The following EIF4G3 variants were observed in gnomAD, a reference collection of about 807,000 sequenced individuals.
EIF4G3 encodes eukaryotic translation initiation factor 4 gamma 3, also known as eIF-4-gamma 3.
EIF4G3 carries 34 observed loss-of-function variants against 186.4 expected under a neutral mutation model. That is an observed-to-expected ratio of 0.18 (90% confidence interval 0.14 to 0.24). The LOEUF (loss-of-function observed/expected upper bound fraction) is 0.24, where lower values mean the gene tolerates loss of function less well. Among genes scored for constraint, EIF4G3 ranks in the 10% least tolerant of loss-of-function variants. The pLI, the probability that EIF4G3 is intolerant of heterozygous loss-of-function variation, is 1.00. For missense variants in EIF4G3, 1,536 were observed against 1,948.5 expected, an observed-to-expected ratio of 0.79 and a Z score of 3.99; for synonymous variants, 673 against 679.5, an observed-to-expected ratio of 0.99 and a Z score of 0.15.
chr1:20,952,723 C>T (rs1200993285), intron 12 of EIF4G3, among the ~76,000 whole-genome samples: 3 of 152,102 alleles, frequency 2.0e-5, no homozygotes, highest in Non-Finnish European at 4.4e-5. Flanking sequence ...GTGGCAGGTG[C>T]CTGTTAATTC....
In EIF4G3 at chr1:20,933,356, T is replaced by G. The variant is rs545041630; in HGVS notation, c.1663+8135A>C. 6.6e-5 allele frequency among the ~76,000 whole-genome samples: 10 copies of G among 152,094 alleles called. No individual in the cohort carries two copies. The South Asian group carries it at 2.1e-3, about 32-fold the overall frequency. On this transcript the variant is annotated intron_variant, in intron 14 of 36. Coordinates refer to ENST00000602326, the MANE Select transcript of EIF4G3 (RefSeq NM_001391906.1). Reference sequence around the variant, plus strand: ...GAGGGAACAAATGTCACAAATACATTAGATAAAACCAGGGCACCGGCCAGG... The same window carrying G: ...GAGGGAACAAATGTCACAAATACATGAGATAAAACCAGGGCACCGGCCAGG...
intron 4 of EIF4G3, among the ~76,000 whole-genome samples, chr1:21,046,753 A>G (rs560882760): frequency 1.9e-4 from 29 of 152,336 alleles, no homozygotes; most frequent in African/African-American, 6.3e-4. Flanking sequence ...AACCAAGCCT[A>G]ATATCCTACT....
At chr1:21,136,168 C>T (rs543196518) in intron 2 of EIF4G3, among the ~76,000 whole-genome samples, 24 of 150,284 alleles carry the variant, frequency 1.6e-4, no homozygotes, top group South Asian at 1.3e-3. Context: ...CCGGCCTGGG[C>T]GACAGAGCGA....
Position 20,854,987 on chromosome 1 carries a change from T to G in EIF4G3, c.3424A>C (p.Ser1142Arg). The part of the protein sequence containing the change: ...GKGSSGGAKA[S>R]ETDALRSSAS... The stretch of plus-strand genomic sequence containing the variant: ...GGACACACACACTTACCAGTCTCAC[T>G]TGCCTTTGCTCCACCACTGCTGCCT... The change falls in exon 26 of 37, where the codon AGT becomes CGT. Residue 1142 changes from serine (S) to arginine (R), a missense_variant. By Grantham distance (110) the Ser-to-Arg change is moderately radical. Around this residue, in one of 11 missense-constraint regions of EIF4G3, gnomAD observed 395 missense variants for 498.9 expected, o/e 0.79. Transcript: ENST00000602326. The G allele has an allele frequency of 6.2e-7, 1 of 1,613,640 alleles. No individual in the cohort carries two copies.
chr1:20,818,339 T>C (rs2061545962), intron 33 of EIF4G3, among the ~76,000 whole-genome samples: 1 of 152,126 alleles, frequency 6.6e-6, no homozygotes, highest in African/African-American at 2.4e-5. Flanking sequence ...ATACATAGTT[T>C]TAAAAAATCT....
intron 11 of EIF4G3, 27 bp downstream of exon 11, chr1:20,972,975 T>G (rs1333494556): frequency 6.5e-7 from 1 of 1,542,190 alleles, no homozygotes; most frequent in South Asian, 1.2e-5. Flanking sequence ...AGATTTAAAA[T>G]AAGAAAAAGT....
At chr1:21,123,748 T>G (rs2096970395) in intron 2 of EIF4G3, among the ~76,000 whole-genome samples, 1 of 152,134 alleles carries the variant, frequency 6.6e-6, no homozygotes, top group African/African-American at 2.4e-5. Flanking sequence ...AGTTCCTTCC[T>G]AGATTATGAT....
At chr1:20,970,000 A>G (rs1219366806) in intron 11 of EIF4G3, among the ~76,000 whole-genome samples, 1 of 151,840 alleles carries the variant, frequency 6.6e-6, no homozygotes, top group African/African-American at 2.4e-5. Context: ...GTCTCGCTCT[A>G]TCACCCAGGC....
intron 2 of EIF4G3, among the ~76,000 whole-genome samples, chr1:21,097,326 C>T (rs541667724): frequency 6.6e-6 from 1 of 152,188 alleles, no homozygotes; most frequent in South Asian, 2.1e-4. Context: ...AGTAGGTATC[C>T]CTAGGAAAAA....
chr1:21,062,275 G>C (rs2094957287), intron 3 of EIF4G3, among the ~76,000 whole-genome samples: 1 of 151,618 alleles, frequency 6.6e-6, no homozygotes, highest in South Asian at 2.1e-4. Flanking sequence ...GCCCAGGCTG[G>C]CTTCAAACTC....
intron 24 of EIF4G3, among the ~76,000 whole-genome samples, chr1:20,858,185 T>C (rs2075487997): frequency 6.6e-6 from 1 of 152,210 alleles, no homozygotes; most frequent in African/African-American, 2.4e-5. Context: ...CACTTTTTTG[T>C]TCAAAACACT....
intron 15 of EIF4G3, 33 bp downstream of exon 15, chr1:20,904,850 T>A: frequency 1.3e-6 from 2 of 1,548,358 alleles, no homozygotes; most frequent in Non-Finnish European, 1.8e-6. Context: ...ATGGCACCAC[T>A]GCTCTGAATA....
intron 4 of EIF4G3, among the ~76,000 whole-genome samples, chr1:21,034,064 C>T (rs2092976959): frequency 6.6e-6 from 1 of 152,126 alleles, no homozygotes; most frequent in Admixed American, 6.5e-5. Flanking sequence ...CAACACACTC[C>T]AGCCTGGATG....
intron 2 of EIF4G3, among the ~76,000 whole-genome samples, chr1:21,144,438 G>A (rs554142058): frequency 5.5e-5 from 8 of 144,284 alleles, no homozygotes; most frequent in African/African-American, 1.3e-4. Flanking sequence ...TTTTTTTTTC[G>A]TAGAGATGGG....
At chr1:20,865,977 A>G (rs1354864837) in intron 20 of EIF4G3, among the ~76,000 whole-genome samples, 1 of 152,226 alleles carries the variant, frequency 6.6e-6, no homozygotes, top group Non-Finnish European at 1.5e-5. Flanking sequence ...TCTTATGAAC[A>G]TATTTAGAAT....
At chr1:20,918,526 G>A (rs2094157778) in intron 14 of EIF4G3, among the ~76,000 whole-genome samples, 1 of 151,930 alleles carries the variant, frequency 6.6e-6, no homozygotes, top group Non-Finnish European at 1.5e-5. Context: ...ATCTTAAACA[G>A]AAAAATGGGG....
intron 10 of EIF4G3, among the ~76,000 whole-genome samples, chr1:20,974,427 G>A (rs2076440516): frequency 1.3e-5 from 2 of 152,152 alleles, no homozygotes; most frequent in Admixed American, 6.5e-5. Context: ...AATGAGGGCT[G>A]TGCTTAACCA....
chr1:20,822,566 T>C (rs558212601), intron 33 of EIF4G3, among the ~76,000 whole-genome samples: 286 of 151,140 alleles, frequency 1.9e-3, no homozygotes, highest in Non-Finnish European at 3.3e-3. Flanking sequence ...TGGAGCTTCA[T>C]TTGTTCTTAT....
At chr1:21,158,426 T>C (rs532102951) in intron 2 of EIF4G3, among the ~76,000 whole-genome samples, 3 of 152,154 alleles carry the variant, frequency 2.0e-5, no homozygotes, top group Middle Eastern at 3.4e-3. Flanking sequence ...TCCACCCACC[T>C]TGGCCTCTCA....
Sources: gnomAD v4.1 joint callset for allele counts (sites outside exome capture counted in the v4.1 genomes callset) on GRCh38, gnomAD v4.1.1 for gene constraint, gnomAD v4.1.1 regional missense constraint, MANE v1.5 for transcripts, NCBI Gene and HGNC (gene_info 2026-07-23, HGNC 2026-07-21) for gene names.